The following DDX1 variants were observed in gnomAD, a reference collection of about 807,000 sequenced individuals.
DDX1 encodes DEAD-box helicase 1.
In DDX1, 28 loss-of-function variants were observed where a neutral mutation model predicts 108.7. The observed-to-expected ratio is 0.26, with a 90% CI of 0.19 to 0.35. DDX1 has a LOEUF of 0.35. Ranked by LOEUF, DDX1 falls within the 10% of genes least tolerant of loss-of-function variation. The pLI, the probability that DDX1 is intolerant of heterozygous loss-of-function variation, is 1.00. For missense variants in DDX1, 710 were observed against 884.5 expected (o/e 0.80, Z 2.50); for synonymous variants, 295 against 288.9 (o/e 1.02, Z -0.21).
chr2:15,620,723 A>G lies in DDX1; in HGVS notation c.1395+327A>G, dbSNP rs377313593. Among the ~76,000 whole-genome samples, 3 of 152,090 alleles carry G rather than the reference A, an allele frequency of 2.0e-5. No individual in the cohort carries two copies. The East Asian group carries it at 5.8e-4, about 29-fold the overall frequency. ...GCCCTCATCTGTGTCCTCTTGATGT[A>G]CTTTGTTCTAAAAATCAATTTCATG... On this transcript the variant is annotated intron_variant, in intron 17 of 25. Transcript: ENST00000233084.
At chr2:15,613,458 A>C (rs1184919919) in intron 14 of DDX1, among the ~76,000 whole-genome samples, 174 bp downstream of exon 14, 1 of 152,210 alleles carries the variant, frequency 6.6e-6, no homozygotes, top group Non-Finnish European at 1.5e-5. Flanking sequence ...GGAAGTATAC[A>C]AAGTCTCTCC....
intron 14 of DDX1, among the ~76,000 whole-genome samples, chr2:15,613,742 G>A (rs2148744771): frequency 6.6e-6 from 1 of 152,294 alleles, no homozygotes; most frequent in South Asian, 2.1e-4. Flanking sequence ...TTATGTGTAA[G>A]GGGAAGTCGC....
In DDX1 at chr2:15,596,780, A is replaced by G. The variant is rs1665506942; in HGVS notation, c.162+17A>G. On this transcript the variant is annotated intron_variant, in intron 4 of 25. Transcript: ENST00000233084. ...AAAACTGGTGTAAGTAATAAATTATATTTACTTTCTCTCTAAAAGTTGAAT... is the reference window on the plus strand; with the variant it reads ...AAAACTGGTGTAAGTAATAAATTATGTTTACTTTCTCTCTAAAAGTTGAAT... The G allele has an allele frequency of 6.3e-7, 1 of 1,591,298 alleles. No homozygotes were observed. Among genetic ancestry groups the G allele is most frequent in the Non-Finnish European group, 8.6e-7 (1 of 1,162,092 alleles).
intron 14 of DDX1, 133 bp from the exon 15 acceptor site, chr2:15,617,111 T>C: frequency 2.4e-6 from 1 of 420,026 alleles, no homozygotes; most frequent in Non-Finnish European, 4.3e-6. Context: ...CCTTTTTTTT[T>C]TTTATAAATT....
At chr2:15,605,023 G>A (rs144995510) in intron 10 of DDX1, among the ~76,000 whole-genome samples, 19 of 152,322 alleles carry the variant, frequency 1.2e-4, no homozygotes, top group African/African-American at 4.3e-4. Context: ...GGGGATAAAG[G>A]ACGGTGGTAG....
chr2:15,598,274 C>CA lies in DDX1; in HGVS notation c.259+803_259+804insA, dbSNP rs1665533379. Among the ~76,000 whole-genome samples, 3 of 152,100 alleles carry CA rather than the reference C, an allele frequency of 2.0e-5. 1 individual carries two copies. The South Asian group carries it at 6.2e-4, about 32-fold the overall frequency. The stretch of plus-strand genomic sequence containing the variant: ...ATACATAAAATGTATAATGTAGAAT[C>CA]TGTGAACTCATGTAAATTAGAGATA... On this transcript the variant is annotated intron_variant, in intron 5 of 25. Coordinates refer to ENST00000233084, the MANE Select transcript of DDX1 (RefSeq NM_004939.3).
At chr2:15,598,186 A>C (rs1665531971) in intron 5 of DDX1, among the ~76,000 whole-genome samples, 1 of 152,182 alleles carries the variant, frequency 6.6e-6, no homozygotes, top group East Asian at 1.9e-4. Flanking sequence ...ACAAAACAGC[A>C]AGTTGAAGAC....
chr2:15,616,978 G>A (rs1292181256), intron 14 of DDX1, among the ~76,000 whole-genome samples: 3 of 152,022 alleles, frequency 2.0e-5, no homozygotes, highest in African/African-American at 7.2e-5. Context: ...TTTTTGCTTG[G>A]AAAATATAAA....
At chr2:15,618,666 G>T (rs1390814256) in intron 16 of DDX1, among the ~76,000 whole-genome samples, 2 of 152,244 alleles carry the variant, frequency 1.3e-5, no homozygotes, top group South Asian at 2.1e-4. Flanking sequence ...CTTCACCGGG[G>T]ACTAGCCCCC....
intron 16 of DDX1, among the ~76,000 whole-genome samples, chr2:15,619,184 C>T (rs1279214132): frequency 3.9e-5 from 6 of 152,186 alleles, no homozygotes; most frequent in Non-Finnish European, 7.4e-5. Flanking sequence ...TCACTGCTCC[C>T]CCTCTGGCAG....
At chr2:15,614,020 C>T (rs1665849437) in intron 14 of DDX1, among the ~76,000 whole-genome samples, 1 of 151,878 alleles carries the variant, frequency 6.6e-6, no homozygotes. Flanking sequence ...GTATTTTCAC[C>T]ATGTTGGCCA....
chr2:15,628,946 G>A, intron 23 of DDX1, 107 bp downstream of exon 23: 1 of 1,043,536 alleles, frequency 9.6e-7, no homozygotes, highest in Non-Finnish European at 1.5e-6. Flanking sequence ...AGCTGCGTAT[G>A]GAATACAAAT....
In DDX1 at chr2:15,621,045, T is replaced by G. The variant is rs370543998; in HGVS notation, c.1396-20T>G. 5 of 1,568,500 alleles carry G rather than the reference T, an allele frequency of 3.2e-6. No homozygotes were observed. The South Asian group carries it at 3.4e-5, about 11-fold the overall frequency. Reference sequence around the variant, plus strand: ...ATTTAACCACTCCTCTATCCTGTTTTTATTCCTTGCTTTTGATAGACTGAT... The same window carrying G: ...ATTTAACCACTCCTCTATCCTGTTTGTATTCCTTGCTTTTGATAGACTGAT... On this transcript the variant is annotated intron_variant, in intron 17 of 25. Coordinates refer to ENST00000233084, the MANE Select transcript of DDX1 (RefSeq NM_004939.3).
chr2:15,627,614 T>C (rs1666123000), intron 20 of DDX1: 1 of 154,308 alleles, frequency 6.5e-6, no homozygotes, highest in Non-Finnish European at 1.4e-5. Context: ...GTCATATAGC[T>C]CTTGGTGTAA....
intron 16 of DDX1, among the ~76,000 whole-genome samples, chr2:15,619,746 A>G (rs1249859087): frequency 2.0e-5 from 3 of 152,252 alleles, no homozygotes; most frequent in Non-Finnish European, 2.9e-5. Flanking sequence ...ACAAGTAAAA[A>G]TTCTTAGTTA....
rs936215568 is a variant in DDX1, at chr2:15,629,486, T to A, written c.1876-116T>A. On this transcript the variant is annotated intron_variant, in intron 23 of 25. Coordinates refer to ENST00000233084, the MANE Select transcript of DDX1 (RefSeq NM_004939.3). Reference sequence around the variant, plus strand: ...GTAATTGGATGATATATCATACCTATAATCTATTTTTCTAGTGCCTTGAGG... The same window carrying A: ...GTAATTGGATGATATATCATACCTAAAATCTATTTTTCTAGTGCCTTGAGG... The A allele has an allele frequency of 5.9e-6, 4 of 677,648 alleles. No homozygotes were observed. The African/African-American group carries it at 7.7e-5, about 13-fold the overall frequency. The allele number at this position is 677,648 out of a possible 1,614,324, so 42.0% of individuals were successfully genotyped here.
At chr2:15,611,772 C>T (rs1229447606) in intron 13 of DDX1, among the ~76,000 whole-genome samples, 29 of 108,122 alleles carry the variant, frequency 2.7e-4, no homozygotes, top group African/African-American at 1.2e-3. Context: ...GACGGGGTGG[C>T]TGGCCGGGCG....
chr2:15,613,065 C>T (rs1230030500), intron 13 of DDX1, among the ~76,000 whole-genome samples, 159 bp from the exon 14 acceptor site: 1 of 152,076 alleles, frequency 6.6e-6, no homozygotes, highest in East Asian at 1.9e-4. Flanking sequence ...CAGCGTGTAA[C>T]CTTTGTAACT....
chr2:15,617,995 T>C (rs563292942), intron 15 of DDX1, among the ~76,000 whole-genome samples, 186 bp from the exon 16 acceptor site: 1 of 152,348 alleles, frequency 6.6e-6, no homozygotes, highest in South Asian at 2.1e-4. Flanking sequence ...ACAAGAAACT[T>C]AAAATTGAAT....
Sources: gnomAD v4.1 joint callset for allele counts (sites outside exome capture counted in the v4.1 genomes callset) on GRCh38, gnomAD v4.1.1 for gene constraint, MANE v1.5 for transcripts, NCBI Gene and HGNC (gene_info 2026-07-23, HGNC 2026-07-21) for gene names.